Variants in PRKCB observed in about 807,000 individuals in gnomAD.
PRKCB encodes protein kinase C beta, also known as protein kinase C beta type.
PRKCB carries 13 observed loss-of-function variants against 81.5 expected under a neutral mutation model. The ratio of observed to expected loss-of-function variants is 0.16; its 90% CI spans 0.10 to 0.25. The LOEUF is 0.25. Ranked by LOEUF, PRKCB falls within the 10% of genes least tolerant of loss-of-function variation. The pLI is 1.00. For missense variants in PRKCB, 509 were observed against 875.7 expected, an observed-to-expected ratio of 0.58 and a Z score of 5.29; for synonymous variants, 335 against 321.4, an observed-to-expected ratio of 1.04 and a Z score of -0.45.
At chr16:24,040,627 A>G (rs1015976879) in intron 5 of PRKCB, among the ~76,000 whole-genome samples, 1 of 152,116 alleles carries the variant, frequency 6.6e-6, no homozygotes, top group Non-Finnish European at 1.5e-5. Context: ...CTAAATATTT[A>G]TGGGCTCAAT....
chr16:23,938,025 T>C (rs953044026), intron 2 of PRKCB, among the ~76,000 whole-genome samples: 2 of 152,138 alleles, frequency 1.3e-5, no homozygotes, highest in African/African-American at 2.4e-5. Context: ...AGAGCTGCAG[T>C]GGATGAGTGC....
chr16:23,886,407 T>TC (rs1963201926), intron 2 of PRKCB, among the ~76,000 whole-genome samples: 1 of 14,590 alleles, frequency 6.9e-5, no homozygotes, highest in African/African-American at 4.8e-4. Flanking sequence ...GTGTTAGGTG[T>TC]TTTTTTTTTT....
rs540359726 is a variant in PRKCB at position 23,908,304 on chromosome 16, G to A, written c.205+70898G>A. On this transcript the variant is annotated intron_variant, in intron 2 of 16. Transcript: ENST00000643927. ...GATTTGAAGAAGGAGGTCCCCTTGG[G>A]AAGTTGCATTAGTGGGTGAATGGGG... 1.8e-3 allele frequency among the ~76,000 whole-genome samples: 273 copies of A among 152,224 alleles called. 1 individual carries two copies. The highest frequency in any genetic ancestry group is 6.8e-3 in the Middle Eastern group (2 of 294).
At chr16:24,014,102 G>A (rs537743090) in intron 3 of PRKCB, among the ~76,000 whole-genome samples, 12 of 152,300 alleles carry the variant, frequency 7.9e-5, no homozygotes, top group Non-Finnish European at 1.3e-4. Context: ...GTGACAGAGG[G>A]TGCTGTCAGG....
chr16:23,885,912 T>C (rs997698481), intron 2 of PRKCB, among the ~76,000 whole-genome samples: 3 of 152,306 alleles, frequency 2.0e-5, no homozygotes, highest in African/African-American at 4.8e-5. Context: ...TTTGACTCGA[T>C]ATTGGGCGGC....
At chr16:23,859,508 T>C (rs1184475077) in intron 2 of PRKCB, among the ~76,000 whole-genome samples, 3 of 152,106 alleles carry the variant, frequency 2.0e-5, no homozygotes, top group Admixed American at 6.5e-5. Context: ...AAATCACACA[T>C]TGATAACTCA....
chr16:23,843,236 A>AT (rs1962297173), intron 2 of PRKCB, among the ~76,000 whole-genome samples: 1 of 152,082 alleles, frequency 6.6e-6, no homozygotes, highest in African/African-American at 2.4e-5. Context: ...AAAGAGGTCC[A>AT]TTTTTTCAAA....
intron 10 of PRKCB, among the ~76,000 whole-genome samples, chr16:24,168,541 CTTTTTTT>C (rs56671761): frequency 3.4e-4 from 26 of 76,312 alleles, no homozygotes; most frequent in African/African-American, 5.4e-4. Context: ...TCTTCTTCTA[CTTTTTTT>C]TTTTTTTTTT....
chr16:23,880,821 C>T (rs749792499), intron 2 of PRKCB, among the ~76,000 whole-genome samples: 1 of 152,084 alleles, frequency 6.6e-6, no homozygotes, highest in African/African-American at 2.4e-5. Context: ...TTGCTATCTA[C>T]CCATGTCTCT....
rs774656581 is a variant in PRKCB, at chr16:24,154,773, G to A, written c.1155G>A (p.Glu385=). Residue 385 remains glutamate (E), a synonymous_variant, in exon 10 of 17, where the codon GAG becomes GAA. Coordinates refer to ENST00000643927, the MANE Select transcript of PRKCB (RefSeq NM_002738.7). The part of the protein sequence containing the change: ...KDVVIQDDDV[E]CTMVEKRVLA... The stretch of plus-strand genomic sequence containing the variant: ...TTGTGATCCAAGATGATGACGTGGA[G>A]TGCACTATGGTGGAGAAGCGGGTGT... 4.3e-6 allele frequency: 7 copies of A among 1,614,108 alleles called. No individual in the cohort carries two copies. In the African/African-American group the frequency reaches 8.0e-5, roughly 18 times the overall value.
intron 10 of PRKCB, among the ~76,000 whole-genome samples, chr16:24,169,723 C>G (rs549911860): frequency 6.6e-6 from 1 of 152,240 alleles, no homozygotes; most frequent in South Asian, 2.1e-4. Flanking sequence ...ATACTTTGCT[C>G]TGTTTTTCCC....
At chr16:23,917,097 T>C (rs1486935032) in intron 2 of PRKCB, among the ~76,000 whole-genome samples, 2 of 151,918 alleles carry the variant, frequency 1.3e-5, no homozygotes, top group African/African-American at 2.4e-5. Flanking sequence ...TTTTATTTAT[T>C]TATTTTTTGA....
chr16:24,173,121 C>T (rs1335616817), intron 11 of PRKCB, among the ~76,000 whole-genome samples: 2 of 152,006 alleles, frequency 1.3e-5, no homozygotes, highest in African/African-American at 4.8e-5. Context: ...GCCTTCACTC[C>T]ATGGGGGTGA....
At position 24,037,679 on chromosome 16, in the gene PRKCB, C is replaced by T. The variant is rs374618643; in HGVS notation, c.529+2132C>T. ...AGGGAGTCTTTGTTCTGATGTGGTACAGTACAATATTTCTTCAAGTTCAAG... is the reference window on the plus strand; with the variant it reads ...AGGGAGTCTTTGTTCTGATGTGGTATAGTACAATATTTCTTCAAGTTCAAG... On this transcript the variant is annotated intron_variant, in intron 5 of 16. Transcript: ENST00000643927. 1.2e-4 allele frequency among the ~76,000 whole-genome samples: 18 copies of T among 152,072 alleles called. 4 individuals carry two copies. Among genetic ancestry groups the T allele is most frequent in the Admixed American group, 3.3e-4 (5 of 15,270 alleles).
intron 2 of PRKCB, among the ~76,000 whole-genome samples, chr16:23,972,671 C>T (rs1019725568): frequency 4.6e-5 from 7 of 152,086 alleles, no homozygotes; most frequent in Admixed American, 3.9e-4. Flanking sequence ...TCTTGTATAA[C>T]TAAAATGTAT....
chr16:24,204,511 G>T (rs139646472), intron 16 of PRKCB, among the ~76,000 whole-genome samples: 38 of 152,258 alleles, frequency 2.5e-4, no homozygotes, highest in African/African-American at 9.2e-4. Context: ...GCTATAAAAA[G>T]ATAGGCAAAT....
chr16:23,841,883 T>A (rs1243554078), intron 2 of PRKCB, among the ~76,000 whole-genome samples: 1 of 152,080 alleles, frequency 6.6e-6, no homozygotes, highest in Non-Finnish European at 1.5e-5. Flanking sequence ...CTCGAACTCC[T>A]GACCTCAGGT....
chr16:24,054,777 C>T (rs1336639896), intron 5 of PRKCB, among the ~76,000 whole-genome samples: 4 of 152,224 alleles, frequency 2.6e-5, no homozygotes, highest in South Asian at 2.1e-4. Flanking sequence ...GCAATTAGCA[C>T]GAATCGTTCT....
chr16:23,905,962 T>A (rs1324266990), intron 2 of PRKCB, among the ~76,000 whole-genome samples: 2 of 152,234 alleles, frequency 1.3e-5, no homozygotes, highest in Non-Finnish European at 2.9e-5. Flanking sequence ...AGTCCCCTGA[T>A]GATCGACATT....
Sources: gnomAD v4.1 joint callset for allele counts (sites outside exome capture counted in the v4.1 genomes callset) on GRCh38, gnomAD v4.1.1 for gene constraint, MANE v1.5 for transcripts, NCBI Gene and HGNC (gene_info 2026-07-23, HGNC 2026-07-21) for gene names.